NEK1: variants seen among roughly 807,000 people sequenced by gnomAD.
NEK1 encodes serine/threonine-protein kinase Nek1.
Under a neutral mutation model 182.1 loss-of-function variants are expected in NEK1, and 137 were observed. That is an observed-to-expected ratio of 0.75 (90% CI 0.65 to 0.87). The LOEUF (loss-of-function observed/expected upper bound fraction) is 0.87, where lower values mean the gene tolerates loss of function less well. NEK1 is among the 40% of genes least tolerant of loss of function. The pLI, the probability that NEK1 is intolerant of heterozygous loss-of-function variation, is 0.00. For missense variants in NEK1, 1,391 were observed against 1,494.4 expected (o/e 0.93, Z 1.14); for synonymous variants, 513 against 492.2 (o/e 1.04, Z -0.56).
intron 31 of NEK1, among the ~76,000 whole-genome samples, chr4:169,412,804 T>C (rs1487183593): frequency 1.3e-5 from 2 of 151,150 alleles, no homozygotes; most frequent in African/African-American, 2.4e-5. Context: ...TAGAGAACAG[T>C]TGTGGCAACA....
intron 29 of NEK1, among the ~76,000 whole-genome samples, chr4:169,431,757 C>T (rs541892817): frequency 8.0e-5 from 12 of 150,252 alleles, no homozygotes; most frequent in South Asian, 6.3e-4. Context: ...AATTAGACTC[C>T]GTCTCCACCA....
At chr4:169,451,912 G>A (rs1269126446) in intron 27 of NEK1, among the ~76,000 whole-genome samples, 1 of 152,064 alleles carries the variant, frequency 6.6e-6, no homozygotes, top group African/African-American at 2.4e-5. Context: ...AGAAAAGACA[G>A]AAGAATCAAA....
At chr4:169,532,386 C>A (rs1757810269) in intron 19 of NEK1, among the ~76,000 whole-genome samples, 1 of 152,092 alleles carries the variant, frequency 6.6e-6, no homozygotes, top group African/African-American at 2.4e-5. Context: ...TATGACATTA[C>A]AATGGTGATA....
chr4:169,415,524 ATAAC>A (rs1734397766), intron 31 of NEK1, among the ~76,000 whole-genome samples: 2 of 152,228 alleles, frequency 1.3e-5, no homozygotes, highest in South Asian at 2.1e-4. Context: ...CTCAATATTA[ATAAC>A]TATGTAAAAT....
chr4:169,571,463 T>C (rs1243915650), intron 12 of NEK1, among the ~76,000 whole-genome samples: 4 of 151,832 alleles, frequency 2.6e-5, no homozygotes, highest in African/African-American at 9.7e-5. Context: ...TAAAGTAGAG[T>C]AGAAACGTGG....
At chr4:169,476,732 T>C (rs1747019386) in intron 26 of NEK1, among the ~76,000 whole-genome samples, 1 of 152,122 alleles carries the variant, frequency 6.6e-6, no homozygotes, top group Admixed American at 6.6e-5. Context: ...TAAGTCAGAT[T>C]TTCTCAATAC....
At chr4:169,591,966 T>C (rs532187493) in intron 5 of NEK1, among the ~76,000 whole-genome samples, 16 of 151,648 alleles carry the variant, frequency 1.1e-4, no homozygotes, top group South Asian at 2.1e-4. Context: ...GACAAAAGAC[T>C]GGAGATGCAA....
intron 16 of NEK1, among the ~76,000 whole-genome samples, chr4:169,559,294 G>A (rs947567831): frequency 6.6e-6 from 1 of 152,158 alleles, no homozygotes; most frequent in Non-Finnish European, 1.5e-5. Flanking sequence ...AGATCTGAAG[G>A]AGTACAAGTT....
chr4:169,590,031 G>A (rs1361557833), intron 6 of NEK1, among the ~76,000 whole-genome samples: 1 of 152,154 alleles, frequency 6.6e-6, no homozygotes, highest in Non-Finnish European at 1.5e-5. Flanking sequence ...AAAGGGGCCA[G>A]GCGCAGTGGC....
At chr4:169,510,738 T>C (rs1457883454) in intron 19 of NEK1, among the ~76,000 whole-genome samples, 1 of 152,202 alleles carries the variant, frequency 6.6e-6, no homozygotes, top group African/African-American at 2.4e-5. Flanking sequence ...ATTTCTAGTC[T>C]CATCTCTGCC....
At position 169,427,215 on chromosome 4, in the gene NEK1, C is replaced by T. The variant is rs371456467; in HGVS notation, c.2886-981G>A. Among the ~76,000 whole-genome samples, 4 of 152,078 alleles carry T rather than the reference C, an allele frequency of 2.6e-5. No individual in the cohort carries two copies. The East Asian group carries it at 5.8e-4, about 22-fold the overall frequency. ...GATCTCGGCTCACTGCAACCTCTGC[C>T]TCCTGGGTTCACTCCATTCTCCTGC... On this transcript the variant is annotated intron_variant, in intron 29 of 35. Coordinates refer to ENST00000507142, the MANE Select transcript of NEK1 (RefSeq NM_001199397.3).
At chr4:169,523,280 G>A (rs1162753860) in intron 19 of NEK1, among the ~76,000 whole-genome samples, 1 of 152,160 alleles carries the variant, frequency 6.6e-6, no homozygotes, top group African/African-American at 2.4e-5. Context: ...ATATGTTGAA[G>A]TCTCAAACCC....
intron 19 of NEK1, among the ~76,000 whole-genome samples, chr4:169,535,975 A>G (rs1758430445): frequency 6.6e-6 from 1 of 151,912 alleles, no homozygotes; most frequent in South Asian, 2.1e-4. Context: ...AAGCTCAATG[A>G]ACCCCTATAC....
intron 18 of NEK1, among the ~76,000 whole-genome samples, chr4:169,550,229 C>G (rs1347323208): frequency 6.7e-6 from 1 of 148,860 alleles, no homozygotes; most frequent in Admixed American, 6.6e-5. Context: ...CACATGCTCT[C>G]TCTCTTGTCT....
chr4:169,424,629 A>C lies in NEK1; in HGVS notation c.3146T>G (p.Leu1049Ter). The change falls in exon 31 of 36, where the codon TTA (leucine) becomes TGA (stop). Residue 1049 changes from leucine to a stop codon, truncating the protein, a stop_gained. Coordinates refer to ENST00000507142, the MANE Select transcript of NEK1 (RefSeq NM_001199397.3). LOFTEE classifies it high-confidence loss of function. ...ESFAFRSHSH[L>*]PPKNKNKNSL... is the part of the protein sequence containing the mutation. ...ATTCTTGTTTTTATTTTTTGGTGGTAAATGCGAGTGAGATCGAAATGCAAA... is the reference window on the plus strand; with the variant it reads ...ATTCTTGTTTTTATTTTTTGGTGGTCAATGCGAGTGAGATCGAAATGCAAA... 6.2e-7 allele frequency: 1 copy of C among 1,613,380 alleles called. No individual in the cohort carries two copies. Among genetic ancestry groups the C allele is most frequent in the Non-Finnish European group, 8.5e-7 (1 of 1,179,474 alleles).
In NEK1 at chr4:169,394,142, A is replaced by C. The variant is rs1171678617; in HGVS notation, c.*368T>G. 1 of 180,350 alleles carries C rather than the reference A, an allele frequency of 5.5e-6. No individual in the cohort carries two copies. The highest frequency in any genetic ancestry group is 2.4e-5 in the African/African-American group (1 of 41,948). 11.2% of individuals were successfully genotyped at this position (180,350 alleles called of 1,614,324 possible). A position where few individuals can be genotyped will look rare whatever the true frequency, so the allele number is the denominator to read the frequency against. ...TTGAAAAACCACAGACAGGTCCTTC[A>C]TGACATAGGTAATTCCTTCAACCTA... On this transcript the variant is annotated 3_prime_UTR_variant, in exon 36 of 36. Transcript: ENST00000507142.
intron 5 of NEK1, among the ~76,000 whole-genome samples, chr4:169,595,130 A>T (rs1769218204): frequency 6.6e-6 from 1 of 152,180 alleles, no homozygotes; most frequent in Non-Finnish European, 1.5e-5. Flanking sequence ...TGCTTAAATG[A>T]TCAAGGAACT....
chr4:169,585,506 G>T lies in NEK1; in HGVS notation c.650C>A (p.Ser217Tyr). The stretch of plus-strand genomic sequence containing the variant: ...CAAAGACACAGGTGGAAAAGATCCA[G>T]ATATTATCTTCAGTACCAGGTTTTT... ...SMKNLVLKIISGSFPPVSLHY... is the reference protein window; with the variant it reads ...SMKNLVLKIIYGSFPPVSLHY... The change falls in exon 10 of 36, where the codon TCT (serine) becomes TAT (tyrosine). Residue 217 changes from serine to tyrosine, a missense_variant. By Grantham distance (144) the Ser-to-Tyr change is moderately radical. This residue lies in a region of NEK1 where 1,216 missense variants were observed against 1,277.6 expected (regional missense o/e 0.95). Transcript: ENST00000507142. 1 of 1,613,438 alleles carries T rather than the reference G, an allele frequency of 6.2e-7. No individual in the cohort carries two copies. Among genetic ancestry groups the T allele is most frequent in the Non-Finnish European group, 8.5e-7 (1 of 1,179,600 alleles).
At chr4:169,483,322 T>C (rs1234486803) in intron 23 of NEK1, among the ~76,000 whole-genome samples, 1 of 152,086 alleles carries the variant, frequency 6.6e-6, no homozygotes, top group African/African-American at 2.4e-5. Flanking sequence ...AATGAAAAAG[T>C]TTGAAATATG....
Sources: allele counts gnomAD v4.1 joint callset (sites outside exome capture counted in the v4.1 genomes callset), GRCh38; gene constraint gnomAD v4.1.1; regional missense constraint gnomAD v4.1.1; transcripts MANE v1.5; gene names NCBI Gene and HGNC (gene_info 2026-07-23, HGNC 2026-07-21).